Variants in HNRNPH1 observed in about 807,000 individuals in gnomAD.
HNRNPH1 encodes the protein heterogeneous nuclear ribonucleoprotein H.
In HNRNPH1, 4 loss-of-function variants were observed where a neutral mutation model predicts 58.6. That is an observed-to-expected ratio of 0.07 (90% CI 0.03 to 0.16). The LOEUF (loss-of-function observed/expected upper bound fraction) is 0.16, where lower values mean the gene tolerates loss of function less well. Among genes scored for constraint, HNRNPH1 ranks in the 10% least tolerant of loss-of-function variants. HNRNPH1 has a pLI of 1.00. For synonymous variants in HNRNPH1, 192 were observed against 189.2 expected, an observed-to-expected ratio of 1.01 and a Z score of -0.12; for missense variants, 271 against 564.2, an observed-to-expected ratio of 0.48 and a Z score of 5.26.
At chr5:179,622,970 CCGGCCGCCCG>C (rs1445485477) in intron 1 of HNRNPH1, 57 bp downstream of exon 2, 1 of 243,762 alleles carries the variant, frequency 4.1e-6, no homozygotes, top group African/African-American at 2.4e-5. Context: ...CCGCCCCAGC[CCGGCCGCCCG>C]CCAGCCCGCC....
At chr5:179,617,571 C>T (rs778635971) in exon 8 of HNRNPH1, 1 of 1,614,002 alleles carries the variant, frequency 6.2e-7, no homozygotes, top group Non-Finnish European at 8.5e-7. Context: ...GTTGCGAACT[C>T]GACATCTGCT....
intron 1 of HNRNPH1, among the ~76,000 whole-genome samples, chr5:179,622,648 T>G (rs572328341): frequency 1.3e-5 from 2 of 151,874 alleles, no homozygotes; most frequent in African/African-American, 4.8e-5. Context: ...GAGGCGGAGG[T>G]TGCAGTGAGC....
At position 179,615,796 on chromosome 5, in the gene HNRNPH1, CTTTA is replaced by C. The variant is rs556697184; in HGVS notation, c.1301-205_1301-202del. Reference sequence around the variant, plus strand: ...AACCAAAAGACAAAAAAGTGAACAACTTTATTTAATGTTTTAATACATGGAGGCA... The same window carrying C: ...AACCAAAAGACAAAAAAGTGAACAACTTTAATGTTTTAATACATGGAGGCA... On this transcript the variant is annotated intron_variant, in intron 11 of 12. Coordinates refer to ENST00000356731, the Ensembl canonical transcript of HNRNPH1. 599 of 517,510 alleles carry C rather than the reference CTTTA, an allele frequency of 1.2e-3. 2 individuals carry two copies. The highest frequency in any genetic ancestry group is 5.1e-3 in the South Asian group (159 of 30,894). The allele number at this position is 517,510 out of a possible 1,614,324, so 32.1% of individuals were successfully genotyped here. A position where few individuals can be genotyped will look rare whatever the true frequency, so the allele number is the denominator to read the frequency against.
chr5:179,623,089 G>T (rs116586074), exon 1 of HNRNPH1: 4 of 1,609,314 alleles, frequency 2.5e-6, no homozygotes, highest in Non-Finnish European at 3.4e-6. Context: ...GCAAGCCCCG[G>T]ACCTTCACCA....
At chr5:179,625,709 C>G (rs920210077), upstream of HNRNPH1, among the ~76,000 whole-genome samples, 1 of 150,866 alleles carries the variant, frequency 6.6e-6, no homozygotes, top group Non-Finnish European at 1.5e-5. Context: ...ATTTCATACA[C>G]TTATAGCCAA....
At chr5:179,621,120 G>A (rs902647518) in intron 2 of HNRNPH1, 85 bp from the exon 4 acceptor site, 53 of 1,529,838 alleles carry the variant, frequency 3.5e-5, no homozygotes, top group Non-Finnish European at 4.4e-5. Context: ...AAGCTAGGAA[G>A]AGCTGCCACA....
chr5:179,620,377 C>G (rs1302961670), intron 3 of HNRNPH1, among the ~76,000 whole-genome samples: 3 of 152,228 alleles, frequency 2.0e-5, no homozygotes, highest in African/African-American at 7.2e-5. Context: ...TCAAACTACT[C>G]TCACTACATC....
At position 179,634,196 on chromosome 5, in the gene HNRNPH1, C is replaced by T. The variant is rs1298935284; in HGVS notation, c.-124-39G>A. 3 of 138,866 alleles carry T rather than the reference C, an allele frequency of 2.2e-5. No individual in the cohort carries two copies. The Admixed American group carries it at 2.2e-4, about 10-fold the overall frequency. The allele number at this position is 138,866 out of a possible 1,614,324, so 8.6% of individuals were successfully genotyped here. A position where few individuals can be genotyped will look rare whatever the true frequency, so the allele number is the denominator to read the frequency against. ...TCAGGAGTCAGTGCACAAATCCCTC[C>T]TGTCCTTGGGGCCGGGCAGCCACCG... On this transcript the variant is annotated intron_variant, in intron 1 of 4. Transcript: ENST00000521116.
In HNRNPH1 at chr5:179,618,387, G is replaced by C. The variant is rs942400823; in HGVS notation, c.537-64C>G. 3 of 1,121,578 alleles carry C rather than the reference G, an allele frequency of 2.7e-6. No homozygotes were observed. The African/African-American group carries it at 4.7e-5, about 17-fold the overall frequency. The allele number at this position is 1,121,578 out of a possible 1,614,324, so 69.5% of individuals were successfully genotyped here. A position where few individuals can be genotyped will look rare whatever the true frequency, so the allele number is the denominator to read the frequency against. ...AGAAAACATTAGTTCATTTTATACA[G>C]GTATTTAGTTATACAAGAAAACAAT... is the stretch of plus-strand genomic sequence containing the variant. On this transcript the variant is annotated intron_variant, in intron 4 of 12. Transcript: ENST00000356731.
At chr5:179,631,602 C>T (rs1296467420) in intron 2 of HNRNPH1, among the ~76,000 whole-genome samples, 1 of 152,106 alleles carries the variant, frequency 6.6e-6, no homozygotes, top group Non-Finnish European at 1.5e-5. Flanking sequence ...AAAAAATTAG[C>T]CAGGTGCAGT....
exon 1 of HNRNPH1, chr5:179,624,523 G>A (rs1581756696): frequency 2.5e-6 from 1 of 398,610 alleles, no homozygotes; most frequent in Admixed American, 4.4e-5. Flanking sequence ...CTCTGCGCTC[G>A]GTAGGTTACC....
chr5:179,621,515 T>C (rs1480408026), intron 1 of HNRNPH1, 118 bp from the exon 3 acceptor site: 3 of 789,816 alleles, frequency 3.8e-6, no homozygotes, highest in Admixed American at 2.7e-5. Flanking sequence ...GAAGCCTATA[T>C]ATACTGACCA....
chr5:179,621,161 C>A, intron 2 of HNRNPH1, 81 bp downstream of exon 3: 2 of 1,509,202 alleles, frequency 1.3e-6, no homozygotes, highest in South Asian at 1.2e-5. Flanking sequence ...TCCATGCAGT[C>A]AAATACCTAA....
At chr5:179,628,448 G>C (rs72824554), upstream of HNRNPH1, among the ~76,000 whole-genome samples, 43,748 of 151,954 alleles carry the variant, frequency 0.29, 7,431 homozygotes, top group Non-Finnish European at 0.4. Context: ...CCACCTCCCA[G>C]ATTCAAGCGA....
chr5:179,632,293 G>C (rs1417853342), intron 2 of HNRNPH1, among the ~76,000 whole-genome samples: 1 of 147,360 alleles, frequency 6.8e-6, no homozygotes, highest in Non-Finnish European at 1.5e-5. Flanking sequence ...GAGTGACAGA[G>C]CGAGACTCCG....
intron 1 of HNRNPH1, chr5:179,621,640 A>C (rs532903119): frequency 1.7e-4 from 91 of 530,884 alleles, no homozygotes; most frequent in East Asian, 1.1e-3. Context: ...GAATGAATTT[A>C]TCTCTTTAGT....
rs775421749 is a variant in HNRNPH1, at chr5:179,617,935, A to G, written c.788-3T>C. ...TCCTGAAAAACAGTAATTGAGGTCTAGATGGACAAGAGTGTAAGCATCCTT... is the reference window on the plus strand; with the variant it reads ...TCCTGAAAAACAGTAATTGAGGTCTGGATGGACAAGAGTGTAAGCATCCTT... On this transcript the variant is annotated splice_polypyrimidine_tract_variant and splice_region_variant and intron_variant, in intron 6 of 12. Transcript: ENST00000356731. 37 of 1,614,052 alleles carry G rather than the reference A, an allele frequency of 2.3e-5. No homozygotes were observed. The Admixed American group carries it at 6.0e-4, about 26-fold the overall frequency.
At chr5:179,619,583 AAGTATAACTATTCTTAACACACCCAT>A in intron 3 of HNRNPH1, 176 bp from the exon 5 acceptor site, 1 of 542,718 alleles carries the variant, frequency 1.8e-6, no homozygotes, top group Non-Finnish European at 3.2e-6. Flanking sequence ...CATTATTATA[AAGTATAACTATTCTTAACACACCCAT>A]GGTACAGTAT....
intron 2 of HNRNPH1, 54 bp downstream of exon 3, chr5:179,621,188 G>A (rs1419291263): frequency 6.4e-6 from 10 of 1,555,144 alleles, no homozygotes; most frequent in East Asian, 2.2e-5. Flanking sequence ...GAAGGGGTGA[G>A]ACCTCTATTG....
Sources: gnomAD v4.1 joint callset for allele counts (sites outside exome capture counted in the v4.1 genomes callset) on GRCh38, gnomAD v4.1.1 for gene constraint, MANE v1.5 for transcripts, NCBI Gene and HGNC (gene_info 2026-07-23, HGNC 2026-07-21) for gene names.